The following MAPKAPK3 variants were observed in gnomAD, a reference collection of about 807,000 sequenced individuals.
The protein encoded by MAPKAPK3 is MAPK activated protein kinase 3, also known as MAP kinase-activated protein kinase 3.
Under a neutral mutation model 49.2 loss-of-function variants are expected in MAPKAPK3, and 35 were observed. The ratio of observed to expected loss-of-function variants is 0.71; its 90% CI spans 0.54 to 0.94. MAPKAPK3 has a LOEUF of 0.94. Among genes scored for constraint, MAPKAPK3 ranks in the 40% least tolerant of loss-of-function variants. MAPKAPK3 has a pLI of 0.00. For synonymous variants in MAPKAPK3, 178 were observed against 188.7 expected (o/e 0.94, Z 0.46); for missense variants, 398 against 493.1 (o/e 0.81, Z 1.83).
rs1029588764 is a variant in MAPKAPK3 at position 50,640,504 on chromosome 3, T to G, written c.358T>G (p.Cys120Gly). 1 of 1,609,020 alleles carries G rather than the reference T, an allele frequency of 6.2e-7. No individual in the cohort carries two copies. Among genetic ancestry groups the G allele is most frequent in the Non-Finnish European group, 8.5e-7 (1 of 1,176,314 alleles). Residue 120 changes from cysteine (C) to glycine (G), a missense_variant and splice_region_variant, in exon 3 of 11, where the codon TGC becomes GGC. Around this residue, in one of 5 missense-constraint regions of MAPKAPK3, gnomAD observed 52 missense variants for 91.9 expected, o/e 0.57. Coordinates refer to ENST00000621469, the MANE Select transcript of MAPKAPK3 (RefSeq NM_001243925.2). ...GKRCLLIIME[C>G]MEGGELFSRI... Reference sequence around the variant, plus strand: ...GCGCTGTCTCCTCATCATCATGGAATGGTATGCTGGCCTGCCCTGTCTCCA... The same window carrying G: ...GCGCTGTCTCCTCATCATCATGGAAGGGTATGCTGGCCTGCCCTGTCTCCA...
intron 10 of MAPKAPK3, among the ~76,000 whole-genome samples, 155 bp downstream of exon 10, chr3:50,647,358 T>A (rs1421927644): frequency 6.6e-6 from 1 of 152,182 alleles, no homozygotes; most frequent in Non-Finnish European, 1.5e-5. Context: ...ACCATGGCAC[T>A]CCAAGGATTG....
chr3:50,629,767 T>C (rs2107583638), intron 2 of MAPKAPK3, among the ~76,000 whole-genome samples: 1 of 152,292 alleles, frequency 6.6e-6, no homozygotes, highest in Non-Finnish European at 1.5e-5. Context: ...CCTCCACTCT[T>C]CCCATCCCCC....
At chr3:50,646,649 C>A in intron 8 of MAPKAPK3, 91 bp from the exon 9 acceptor site, 1 of 1,166,658 alleles carries the variant, frequency 8.6e-7, no homozygotes, top group East Asian at 2.4e-5. Context: ...ACATGCAGCC[C>A]CTGCCCCAGC....
In MAPKAPK3 at chr3:50,646,837, C is replaced by T. The variant is rs752003378; in HGVS notation, c.915+12C>T. 5 of 1,613,506 alleles carry T rather than the reference C, an allele frequency of 3.1e-6. No individual in the cohort carries two copies. In the South Asian group the frequency reaches 4.4e-5, roughly 14 times the overall value. ...ACCCCTGGATCAACGTGAGCCCCTC[C>T]TCCTCCCATGGCAGGCAGGGTGTCC... On this transcript the variant is annotated intron_variant, in intron 9 of 10. Transcript: ENST00000621469.
intron 5 of MAPKAPK3, among the ~76,000 whole-genome samples, chr3:50,643,143 C>G (rs547085882): frequency 6.6e-6 from 1 of 152,370 alleles, no homozygotes; most frequent in South Asian, 2.1e-4. Flanking sequence ...TGAGCCATTC[C>G]ACCTGGCCCT....
intron 2 of MAPKAPK3, among the ~76,000 whole-genome samples, chr3:50,637,445 G>T (rs530477264): frequency 3.9e-5 from 6 of 151,992 alleles, no homozygotes; most frequent in African/African-American, 1.4e-4. Flanking sequence ...GACCATCTTG[G>T]CTAACACGGT....
chr3:50,647,306 A>C, intron 10 of MAPKAPK3, 103 bp downstream of exon 10: 3 of 881,302 alleles, frequency 3.4e-6, no homozygotes, highest in Non-Finnish European at 3.6e-6. Context: ...GCCCCTTTCT[A>C]TACCTGGAGC....
At chr3:50,646,015 G>A (rs1014703514) in intron 7 of MAPKAPK3, 125 bp from the exon 8 acceptor site, 26 of 1,291,382 alleles carry the variant, frequency 2.0e-5, no homozygotes, top group African/African-American at 1.0e-4. Context: ...CTGGGAGTCC[G>A]GAGGGCTGGT....
intron 2 of MAPKAPK3, among the ~76,000 whole-genome samples, chr3:50,630,647 C>T (rs760034435): frequency 6.6e-6 from 1 of 152,234 alleles, no homozygotes; most frequent in Non-Finnish European, 1.5e-5. Flanking sequence ...GCCAAGCTCT[C>T]GGAAGGAGTG....
upstream of MAPKAPK3, chr3:50,611,731 G>C: frequency 7.1e-7 from 1 of 1,412,366 alleles, no homozygotes. Flanking sequence ...CGCGGAGCGC[G>C]TGCTGGGTAG....
rs1427072955 is a variant in MAPKAPK3 at position 50,617,154 on chromosome 3, C to T, written c.-140C>T. ...TCACGTGGGCGCCGGCAGCGCGACT[C>T]TCGGCCCTGGGATTTCTGCGGCCGC... is the stretch of plus-strand genomic sequence containing the variant. On this transcript the variant is annotated 5_prime_UTR_variant, in exon 1 of 11. Coordinates refer to ENST00000621469, the MANE Select transcript of MAPKAPK3 (RefSeq NM_001243925.2). 1 of 153,698 alleles carries T rather than the reference C, an allele frequency of 6.5e-6. No homozygotes were observed. The highest frequency in any genetic ancestry group is 1.4e-5 in the Non-Finnish European group (1 of 69,652). 9.5% of individuals were successfully genotyped at this position (153,698 alleles called of 1,614,324 possible). A position where few individuals can be genotyped will look rare whatever the true frequency, so the allele number is the denominator to read the frequency against.
upstream of MAPKAPK3, among the ~76,000 whole-genome samples, chr3:50,613,335 TAAGTTTCAGATTTCAGGGCAGTCA>T (rs1319637002): frequency 1.3e-5 from 2 of 152,210 alleles, no homozygotes; most frequent in Non-Finnish European, 2.9e-5. Context: ...GAAAAAACGT[TAAGTTTCAGATTTCAGGGCAGTCA>T]CTTCTCTGTA....
chr3:50,619,027 C>T (rs1413410943), intron 2 of MAPKAPK3, among the ~76,000 whole-genome samples: 1 of 152,198 alleles, frequency 6.6e-6, no homozygotes, highest in African/African-American at 2.4e-5. Flanking sequence ...GTGCAGAGTC[C>T]TCTAGATATG....
intron 2 of MAPKAPK3, among the ~76,000 whole-genome samples, chr3:50,634,943 T>C (rs2032999089): frequency 6.6e-6 from 1 of 152,292 alleles, no homozygotes; most frequent in Non-Finnish European, 1.5e-5. Flanking sequence ...AGTGGTACTA[T>C]GGTAGGTACT....
chr3:50,638,633 G>C (rs2033099275), intron 2 of MAPKAPK3, among the ~76,000 whole-genome samples: 1 of 152,326 alleles, frequency 6.6e-6, no homozygotes, highest in East Asian at 1.9e-4. Flanking sequence ...CTAGGGTTGA[G>C]GGGAGCAGCT....
intron 5 of MAPKAPK3, 73 bp downstream of exon 5, chr3:50,642,405 C>T (rs2033197533): frequency 1.8e-6 from 2 of 1,113,264 alleles, no homozygotes; most frequent in South Asian, 2.5e-5. Context: ...CTGATGGCAT[C>T]CAGGACCCAC....
intron 2 of MAPKAPK3, among the ~76,000 whole-genome samples, chr3:50,633,556 G>A (rs1444871231): frequency 6.6e-6 from 1 of 152,208 alleles, no homozygotes; most frequent in Non-Finnish European, 1.5e-5. Flanking sequence ...GGCCAGTGCT[G>A]CTCCAACTTG....
In MAPKAPK3 at chr3:50,626,085, C is replaced by CA. The variant is rs1186332488; in HGVS notation, c.219+8301_219+8302insA. Among the ~76,000 whole-genome samples the CA allele has an allele frequency of 4.6e-5, 7 of 152,048 alleles. No individual in the cohort carries two copies. In the South Asian group the frequency reaches 1.0e-3, roughly 23 times the overall value. ...ACCTGAGGAGGTCCCCCGCCACCCCCCCATGGCTTGTGTGAAGTCAACTTC... is the reference window on the plus strand; with the variant it reads ...ACCTGAGGAGGTCCCCCGCCACCCCCACCATGGCTTGTGTGAAGTCAACTTC... On this transcript the variant is annotated intron_variant, in intron 2 of 10. Transcript: ENST00000621469.
chr3:50,616,942 C>T (rs2032478409), upstream of MAPKAPK3, among the ~76,000 whole-genome samples: 1 of 152,128 alleles, frequency 6.6e-6, no homozygotes, highest in South Asian at 2.1e-4. Flanking sequence ...TCCCTGGAAA[C>T]CGAGGAAGTA....
Sources: gnomAD v4.1 joint callset for allele counts (sites outside exome capture counted in the v4.1 genomes callset) on GRCh38, gnomAD v4.1.1 for gene constraint, gnomAD v4.1.1 regional missense constraint, MANE v1.5 for transcripts, NCBI Gene and HGNC (gene_info 2026-07-23, HGNC 2026-07-21) for gene names.